The following USP34 variants were observed in gnomAD, a reference collection of about 807,000 sequenced individuals.
The protein encoded by USP34 is ubiquitin carboxyl-terminal hydrolase 34.
A neutral mutation model predicts 460.3 loss-of-function variants in USP34; 70 were observed. The observed-to-expected ratio is 0.15, with a 90% CI of 0.13 to 0.19. The LOEUF is 0.19. Among genes scored for constraint, USP34 ranks in the 10% least tolerant of loss-of-function variants. USP34 has a pLI of 1.00. For synonymous variants in USP34, 1,647 were observed against 1,405.3 expected, an observed-to-expected ratio of 1.17 and a Z score of -3.85; for missense variants, 3,985 against 4,236.2, an observed-to-expected ratio of 0.94 and a Z score of 1.65.
chr2:61,223,325 T>G, intron 62 of USP34, 29 bp from the exon 63 acceptor site: 1 of 1,601,788 alleles, frequency 6.2e-7, no homozygotes, highest in Non-Finnish European at 8.5e-7. Context: ...GGAAATAAGT[T>G]TTTCTTCCTT....
intron 48 of USP34, among the ~76,000 whole-genome samples, chr2:61,254,956 C>T (rs1245676675): frequency 1.3e-5 from 2 of 152,152 alleles, no homozygotes; most frequent in African/African-American, 4.8e-5. Context: ...AGTGATCCTC[C>T]CGATTCAGCC....
In USP34 at chr2:61,348,752, A is replaced by G; in HGVS notation, c.1674+4T>C. ...TATAAAAGAAGAAAAACCTATTTTC[A>G]TACCTCTGTGTCTGAAAGTCGTTGT... On this transcript the variant is annotated splice_donor_region_variant and intron_variant, in intron 14 of 79. Coordinates refer to ENST00000398571, the MANE Select transcript of USP34 (RefSeq NM_014709.4). The G allele has an allele frequency of 2.5e-6, 4 of 1,608,404 alleles. No homozygotes were observed. The highest frequency in any genetic ancestry group is 2.5e-6 in the Non-Finnish European group (3 of 1,178,358).
intron 41 of USP34, among the ~76,000 whole-genome samples, chr2:61,274,248 G>C (rs1333519806): frequency 6.6e-6 from 1 of 151,930 alleles, no homozygotes; most frequent in African/African-American, 2.4e-5. Context: ...AATTTAGCCA[G>C]GCATGGTGGT....
At position 61,224,085 on chromosome 2, in the gene USP34, C is replaced by T. The variant is rs556738831; in HGVS notation, c.7596-789G>A. Reference sequence around the variant, plus strand: ...TCATGCCTAAATGAATAATTCCGCACTGTCATACAATATCCAGCGTACACA... The same window carrying T: ...TCATGCCTAAATGAATAATTCCGCATTGTCATACAATATCCAGCGTACACA... On this transcript the variant is annotated intron_variant, in intron 62 of 79. Transcript: ENST00000398571. Among the ~76,000 whole-genome samples the T allele has an allele frequency of 2.0e-5, 3 of 152,326 alleles. No individual in the cohort carries two copies. The South Asian group carries it at 6.2e-4, about 32-fold the overall frequency.
intron 34 of USP34, among the ~76,000 whole-genome samples, chr2:61,287,002 A>G (rs1448896288): frequency 6.6e-6 from 1 of 152,228 alleles, no homozygotes; most frequent in Non-Finnish European, 1.5e-5. Context: ...TGAAAAAAAC[A>G]TGACCAAAAC....
chr2:61,433,016 T>TA (rs1694720696), intron 1 of USP34, among the ~76,000 whole-genome samples: 1 of 152,160 alleles, frequency 6.6e-6, no homozygotes, highest in South Asian at 2.1e-4. Context: ...TGAAGAATAT[T>TA]AAAAAAAGAA....
chr2:61,380,103 G>C, intron 7 of USP34, 66 bp downstream of exon 7: 6 of 1,399,502 alleles, frequency 4.3e-6, no homozygotes, highest in Non-Finnish European at 5.9e-6. Flanking sequence ...CATAAATAGT[G>C]GGTAGTATTA....
intron 10 of USP34, among the ~76,000 whole-genome samples, chr2:61,365,258 C>CAT (rs1163770880): frequency 1.6e-5 from 1 of 62,132 alleles, no homozygotes; most frequent in Non-Finnish European, 3.3e-5. Context: ...TTTCAAAATA[C>CAT]ACACACACAC....
At chr2:61,210,813 G>A (rs935700810) in intron 69 of USP34, among the ~76,000 whole-genome samples, 2 of 152,050 alleles carry the variant, frequency 1.3e-5, no homozygotes, top group South Asian at 2.1e-4. Context: ...TTGGGCTCAA[G>A]GATCTTCCCA....
At chr2:61,343,775 G>A (rs768660850) in intron 16 of USP34, 40 bp downstream of exon 16, 3 of 1,567,266 alleles carry the variant, frequency 1.9e-6, no homozygotes, top group Non-Finnish European at 2.6e-6. Context: ...TATTCCTGTT[G>A]TGAAGAAGGT....
At chr2:61,189,283 GTTT>G in intron 78 of USP34, 3 of 486,666 alleles carry the variant, frequency 6.2e-6, no homozygotes, top group Non-Finnish European at 1.0e-5. Flanking sequence ...TTTTGTTTTT[GTTT>G]TTTTTGAGAT....
chr2:61,245,555 T>C (rs1182081339), intron 50 of USP34, among the ~76,000 whole-genome samples: 1 of 151,838 alleles, frequency 6.6e-6, no homozygotes, highest in Non-Finnish European at 1.5e-5. Flanking sequence ...TTTGCTTTAA[T>C]ATAACATGTA....
chr2:61,326,866 C>A (rs562336892), intron 20 of USP34, among the ~76,000 whole-genome samples: 2 of 151,200 alleles, frequency 1.3e-5, no homozygotes, highest in South Asian at 4.2e-4. Context: ...TCACTGCAAC[C>A]TCCGCCTCCT....
chr2:61,402,188 G>A (rs1214494133), intron 3 of USP34, among the ~76,000 whole-genome samples: 2 of 152,192 alleles, frequency 1.3e-5, no homozygotes, highest in African/African-American at 4.8e-5. Flanking sequence ...GCTGAGGTGG[G>A]TGGATCGTTT....
intron 18 of USP34, among the ~76,000 whole-genome samples, chr2:61,335,437 A>G (rs1691387648): frequency 6.6e-6 from 1 of 152,212 alleles, no homozygotes; most frequent in African/African-American, 2.4e-5. Flanking sequence ...TTAAGATAAA[A>G]AGATTCAATG....
chr2:61,309,017 A>G (rs1289644805), intron 27 of USP34, among the ~76,000 whole-genome samples: 1 of 152,176 alleles, frequency 6.6e-6, no homozygotes, highest in Non-Finnish European at 1.5e-5. Context: ...CCTGGGTGAC[A>G]GAGGGAGACT....
intron 74 of USP34, 120 bp from the exon 75 acceptor site, chr2:61,203,383 A>G (rs1687028920): frequency 2.9e-6 from 3 of 1,040,826 alleles, no homozygotes; most frequent in Non-Finnish European, 3.7e-6. Flanking sequence ...ATAAGAACCT[A>G]GTTTTAAAAT....
intron 1 of USP34, among the ~76,000 whole-genome samples, chr2:61,436,363 A>G (rs1694812281): frequency 6.6e-6 from 1 of 152,216 alleles, no homozygotes. Context: ...AAGGACGGGA[A>G]AAGACATTCC....
At chr2:61,395,524 C>A (rs961300772) in intron 3 of USP34, among the ~76,000 whole-genome samples, 1 of 147,714 alleles carries the variant, frequency 6.8e-6, no homozygotes, top group Admixed American at 6.6e-5. Flanking sequence ...CCCGGCCGGA[C>A]GCGGTGGCTC....
Sources: allele counts gnomAD v4.1 joint callset (sites outside exome capture counted in the v4.1 genomes callset), GRCh38; gene constraint gnomAD v4.1.1; transcripts MANE v1.5; gene names NCBI Gene and HGNC (gene_info 2026-07-23, HGNC 2026-07-21).